BRF1: variants seen among roughly 807,000 people sequenced by gnomAD.
The protein encoded by BRF1 is BRF1 general transcription factor IIIB subunit.
In BRF1, 59 loss-of-function variants were observed where a neutral mutation model predicts 81.7. The observed-to-expected ratio is 0.72, with a 90% confidence interval of 0.59 to 0.90. BRF1 has a LOEUF of 0.90. Among genes scored for constraint, BRF1 ranks in the 40% least tolerant of loss-of-function variants. The probability of loss-of-function intolerance (pLI) is 0.00; values close to 1 mark genes in which losing one functional copy is unlikely to be tolerated. For missense variants in BRF1, 1,050 were observed against 936.3 expected (o/e 1.12, Z -1.58); for synonymous variants, 491 against 395.6 (o/e 1.24, Z -2.86).
At chr14:105,266,110 G>A (rs781247216) in intron 3 of BRF1, among the ~76,000 whole-genome samples, 28 of 152,026 alleles carry the variant, frequency 1.8e-4, no homozygotes, top group Non-Finnish European at 3.4e-4. Context: ...GTGATGTAAC[G>A]AAACTCACCT....
chr14:105,254,951 C>T (rs1377660893), intron 4 of BRF1, among the ~76,000 whole-genome samples: 1 of 152,212 alleles, frequency 6.6e-6, no homozygotes, highest in Non-Finnish European at 1.5e-5. Context: ...TGTGGCTGCT[C>T]CTTGAGGGCA....
In BRF1 at chr14:105,226,701, A is replaced by C. The variant is rs756769788; in HGVS notation, c.848T>G (p.Ile283Ser). ...SQLTIDEFMK[I>S]DLEEECDPPS... ...GGGGTCGCACTCCTCCTCCAGGTCG[A>C]TCTTCATGAACTCATCAATGGTCAA... The change falls in exon 8 of 18, where the codon ATC (isoleucine) becomes AGC (serine). Residue 283 changes from isoleucine to serine, a missense_variant. Physicochemically the swap from Ile to Ser is moderately radical, Grantham distance 142. This residue lies in a region of BRF1 where 1,043 missense variants were observed against 915.4 expected (regional missense o/e 1.14). Coordinates refer to ENST00000547530, the MANE Select transcript of BRF1 (RefSeq NM_001519.4). The C allele has an allele frequency of 6.2e-7, 1 of 1,613,652 alleles. No homozygotes were observed. Among genetic ancestry groups the C allele is most frequent in the Non-Finnish European group, 8.5e-7 (1 of 1,180,012 alleles).
chr14:105,242,903 C>T (rs1421840375), intron 5 of BRF1, among the ~76,000 whole-genome samples: 2 of 151,976 alleles, frequency 1.3e-5, no homozygotes, highest in African/African-American at 4.8e-5. Flanking sequence ...ATGACCTGAG[C>T]TCAGGAGATC....
chr14:105,286,154 G>A, intron 2 of BRF1, 142 bp downstream of exon 2: 1 of 950,998 alleles, frequency 1.1e-6, no homozygotes, highest in Non-Finnish European at 1.6e-6. Flanking sequence ...CTCCTGGAAA[G>A]CAGCCTGGGC....
At chr14:105,247,657 T>C in intron 5 of BRF1, 1 of 985,398 alleles carries the variant, frequency 1.0e-6, no homozygotes, top group African/African-American at 1.7e-5. Context: ...TGACCCGAGA[T>C]GCTGGCTGCG....
intron 2 of BRF1, among the ~76,000 whole-genome samples, chr14:105,275,433 G>C (rs139933991): frequency 3.3e-5 from 5 of 152,378 alleles, no homozygotes; most frequent in Non-Finnish European, 7.3e-5. Flanking sequence ...AGAATGGACA[G>C]AAAGGGCATC....
At chr14:105,293,879 A>G (rs7148186) in intron 1 of BRF1, among the ~76,000 whole-genome samples, 45,682 of 152,192 alleles carry the variant, frequency 0.3, 7,103 homozygotes, top group African/African-American at 0.34. Flanking sequence ...GCGAAGCTGT[A>G]TCAGGCTTAG....
intron 2 of BRF1, among the ~76,000 whole-genome samples, chr14:105,273,631 C>T (rs374734889): frequency 1.3e-5 from 2 of 152,190 alleles, no homozygotes; most frequent in East Asian, 1.9e-4. Context: ...CTCACAGAAA[C>T]CTGTGCTGTA....
At chr14:105,293,738 C>T (rs1414267259) in intron 1 of BRF1, among the ~76,000 whole-genome samples, 1 of 152,204 alleles carries the variant, frequency 6.6e-6, no homozygotes, top group Non-Finnish European at 1.5e-5. Flanking sequence ...GCTCGGGTGC[C>T]CCGGGACGCT....
chr14:105,291,284 C>T (rs1188467766), intron 1 of BRF1, among the ~76,000 whole-genome samples: 1 of 152,186 alleles, frequency 6.6e-6, no homozygotes, highest in East Asian at 1.9e-4. Flanking sequence ...GGCCAGGGGC[C>T]CTCCATGTCC....
chr14:105,225,659 T>G (rs1001907804), intron 10 of BRF1, among the ~76,000 whole-genome samples: 4 of 151,908 alleles, frequency 2.6e-5, no homozygotes, highest in African/African-American at 9.7e-5. Flanking sequence ...TCTTTTTTTT[T>G]TTGTTTGAGA....
At chr14:105,241,242 C>G (rs1445964415) in intron 6 of BRF1, 23 bp downstream of exon 6, 2 of 1,607,480 alleles carry the variant, frequency 1.2e-6, no homozygotes, top group South Asian at 2.2e-5. Flanking sequence ...CAGCATCCCC[C>G]AGGCAGGCAG....
upstream of BRF1, among the ~76,000 whole-genome samples, chr14:105,303,668 A>G (rs1374853255): frequency 6.6e-6 from 1 of 152,222 alleles, no homozygotes; most frequent in Non-Finnish European, 1.5e-5. Flanking sequence ...TGCACATTTC[A>G]ATGTGCTGTG....
chr14:105,305,814 G>C (rs2058170189), upstream of BRF1, among the ~76,000 whole-genome samples: 1 of 152,250 alleles, frequency 6.6e-6, no homozygotes, highest in African/African-American at 2.4e-5. Context: ...AGTGCCCTCA[G>C]AGCACCCACA....
intron 1 of BRF1, among the ~76,000 whole-genome samples, chr14:105,288,667 T>C (rs1435964178): frequency 6.9e-6 from 1 of 143,936 alleles, no homozygotes; most frequent in Non-Finnish European, 1.5e-5. Context: ...AGAGTTTCGC[T>C]CTGTCACCCA....
chr14:105,222,819 G>A (rs1003871292), intron 10 of BRF1, among the ~76,000 whole-genome samples: 2 of 152,108 alleles, frequency 1.3e-5, no homozygotes, highest in Admixed American at 1.3e-4. Flanking sequence ...TAGAAGAGAC[G>A]GGGTTTCACT....
At chr14:105,279,485 G>A (rs1038891511) in intron 2 of BRF1, among the ~76,000 whole-genome samples, 7 of 152,178 alleles carry the variant, frequency 4.6e-5, no homozygotes, top group Middle Eastern at 3.2e-3. Flanking sequence ...CAGGGAAAGC[G>A]AATTAATGCC....
intron 12 of BRF1, 66 bp from the exon 13 acceptor site, chr14:105,219,298 G>A (rs587686408): frequency 4.5e-5 from 72 of 1,594,024 alleles, no homozygotes; most frequent in Middle Eastern, 3.4e-4. Context: ...CTAAGGTCGC[G>A]CTGGCCAGCG....
At position 105,271,508 on chromosome 14, in the gene BRF1, G is replaced by A. The variant is rs587610592; in HGVS notation, c.439+1213C>T. On this transcript the variant is annotated intron_variant, in intron 3 of 17. Transcript: ENST00000547530. The surrounding 1 kb of genome is among the most constrained non-coding windows in gnomAD (Gnocchi z 5.5). ...GCAGGGAGGGGGACCACCTTCAGAG[G>A]GGCGCAGCTCGGAAAAGGTCCCTCT... Among the ~76,000 whole-genome samples the A allele has an allele frequency of 4.3e-4, 66 of 152,298 alleles. No individual in the cohort carries two copies. Among genetic ancestry groups the A allele is most frequent in the Middle Eastern group, 3.4e-3 (1 of 294 alleles).
Sources: gnomAD v4.1 joint callset for allele counts (sites outside exome capture counted in the v4.1 genomes callset) on GRCh38, gnomAD v4.1.1 for gene constraint, gnomAD v4.1.1 regional missense constraint, Gnocchi (gnomAD v3.1) non-coding constraint, MANE v1.5 for transcripts, NCBI Gene and HGNC (gene_info 2026-07-23, HGNC 2026-07-21) for gene names.